The following B3GAT2 variants were observed in gnomAD, a reference collection of about 807,000 sequenced individuals.
The protein encoded by B3GAT2 is galactosylgalactosylxylosylprotein 3-beta-glucuronosyltransferase 2.
In B3GAT2, 26 loss-of-function variants were observed where a neutral mutation model predicts 27.8. The observed-to-expected ratio is 0.93, with a 90% CI of 0.68 to 1.30. B3GAT2 has a LOEUF of 1.30. Ranked by LOEUF, B3GAT2 falls within the 50% of genes most tolerant of loss-of-function variation. The pLI is 0.00. For synonymous variants in B3GAT2, 218 were observed against 195.1 expected, an observed-to-expected ratio of 1.12 and a Z score of -0.98; for missense variants, 458 against 459.0, an observed-to-expected ratio of 1.00 and a Z score of 0.02.
At position 70,858,123 on chromosome 6, in the gene B3GAT2, C is replaced by G. The variant is rs1771514792; in HGVS notation, c.*3540G>C. 6.2e-7 allele frequency: 1 copy of G among 1,614,020 alleles called. No individual in the cohort carries two copies. The highest frequency in any genetic ancestry group is 1.7e-5 in the Admixed American group (1 of 60,006). ...GCACAAACTGGTGTGATGCCACTTC[C>G]TCAGAACGTTGTTGGCCCCCAAGGA... On this transcript the variant is annotated 3_prime_UTR_variant, in exon 4 of 4. Transcript: ENST00000230053.
chr6:70,927,861 A>C (rs1772989786), intron 1 of B3GAT2, among the ~76,000 whole-genome samples: 1 of 152,166 alleles, frequency 6.6e-6, no homozygotes, highest in Admixed American at 6.6e-5. Context: ...AGAACTCTCC[A>C]CCCAAAATTA....
At chr6:70,875,042 C>A (rs1465111321) in intron 2 of B3GAT2, among the ~76,000 whole-genome samples, 1 of 151,026 alleles carries the variant, frequency 6.6e-6, no homozygotes, top group South Asian at 2.1e-4. Context: ...TTCTTGCATA[C>A]TTTTAGCTAA....
At chr6:70,925,503 G>A (rs766681411) in intron 1 of B3GAT2, among the ~76,000 whole-genome samples, 9 of 152,194 alleles carry the variant, frequency 5.9e-5, no homozygotes, top group Non-Finnish European at 8.8e-5. Context: ...ATTATAACCC[G>A]TGCCTGGCTC....
chr6:70,871,050 T>C (rs77501141), intron 2 of B3GAT2, among the ~76,000 whole-genome samples: 3,539 of 152,184 alleles, frequency 0.023, 74 homozygotes, highest in South Asian at 0.11. Context: ...GTGTGTTACA[T>C]TGATTTACTT....
At chr6:70,900,926 T>G (rs531419694) in intron 1 of B3GAT2, among the ~76,000 whole-genome samples, 1 of 152,354 alleles carries the variant, frequency 6.6e-6, no homozygotes, top group East Asian at 1.9e-4. Flanking sequence ...TGTATCCTGT[T>G]TTTTTAAACT....
intron 2 of B3GAT2, among the ~76,000 whole-genome samples, chr6:70,888,540 C>G (rs142136514): frequency 6.6e-6 from 1 of 152,274 alleles, no homozygotes; most frequent in African/African-American, 2.4e-5. Context: ...CCTCCCAGCC[C>G]GCTACGGGCT....
chr6:70,856,950 A>T lies in B3GAT2; in HGVS notation c.*4713T>A, dbSNP rs1158370309. On this transcript the variant is annotated 3_prime_UTR_variant, in exon 4 of 4. Coordinates refer to ENST00000230053, the MANE Select transcript of B3GAT2 (RefSeq NM_080742.3). ...ACTGAGCAAACTACAAAATCAGAAG[A>T]AGTGGCAAAGAAACAACTTTCCAAA... The T allele has an allele frequency of 1.2e-6, 2 of 1,613,904 alleles. No individual in the cohort carries two copies. Among genetic ancestry groups the T allele is most frequent in the African/African-American group, 2.7e-5 (2 of 74,934 alleles).
At chr6:70,878,595 C>A (rs911210272) in intron 2 of B3GAT2, among the ~76,000 whole-genome samples, 5 of 150,666 alleles carry the variant, frequency 3.3e-5, no homozygotes, top group African/African-American at 1.2e-4. Flanking sequence ...TTATTTAGAG[C>A]AATTTAATTT....
chr6:70,865,271 C>T (rs1771830982), intron 2 of B3GAT2, among the ~76,000 whole-genome samples: 1 of 152,028 alleles, frequency 6.6e-6, no homozygotes, highest in Admixed American at 6.6e-5. Context: ...GGACTACAGA[C>T]GTGGGCCTGG....
intron 1 of B3GAT2, among the ~76,000 whole-genome samples, chr6:70,919,994 T>C (rs1186518690): frequency 6.6e-6 from 1 of 152,214 alleles, no homozygotes; most frequent in Non-Finnish European, 1.5e-5. Flanking sequence ...TTTTCAGATA[T>C]GCCCTGCCCC....
intron 1 of B3GAT2, among the ~76,000 whole-genome samples, chr6:70,912,685 T>C (rs1207695431): frequency 6.8e-6 from 1 of 146,014 alleles, no homozygotes; most frequent in Non-Finnish European, 1.5e-5. Flanking sequence ...GCTGGCCTTA[T>C]AGAATGAGTT....
Position 70,956,542 on chromosome 6 carries a change from T to C in B3GAT2, c.-113A>G. The C allele has an allele frequency of 6.6e-7, 1 of 1,508,610 alleles. No individual in the cohort carries two copies. The highest frequency in any genetic ancestry group is 8.8e-7 in the Non-Finnish European group (1 of 1,130,928). 93.5% of individuals were successfully genotyped at this position (1,508,610 alleles called of 1,614,324 possible). On this transcript the variant is annotated 5_prime_UTR_variant, in exon 1 of 4. Transcript: ENST00000230053. ...ACTTAGGGAGTGGTGATGGGTGCGC[T>C]GTCCATGGGGCCGAGGGCGCTGCAG...
At chr6:70,926,080 T>G (rs963724049) in intron 1 of B3GAT2, among the ~76,000 whole-genome samples, 5 of 152,104 alleles carry the variant, frequency 3.3e-5, no homozygotes, top group African/African-American at 1.2e-4. Context: ...CAGCTGAGGG[T>G]CCTGAATGTT....
At chr6:70,894,102 C>T (rs1384410912) in intron 2 of B3GAT2, 26 bp downstream of exon 2, 1 of 1,585,168 alleles carries the variant, frequency 6.3e-7, no homozygotes, top group Admixed American at 1.8e-5. Flanking sequence ...CCAGCAGGAA[C>T]AAATGTCATC....
chr6:70,937,534 C>T (rs1477682354), intron 1 of B3GAT2, among the ~76,000 whole-genome samples: 6 of 152,140 alleles, frequency 3.9e-5, no homozygotes, highest in Admixed American at 3.9e-4. Flanking sequence ...TCCAGCAGCA[C>T]ATCAAAAAGC....
intron 1 of B3GAT2, among the ~76,000 whole-genome samples, chr6:70,903,814 C>A (rs771097657): frequency 3.3e-5 from 5 of 151,672 alleles, no homozygotes; most frequent in Non-Finnish European, 7.4e-5. Flanking sequence ...ATGGTAACAA[C>A]TACTTGGGAA....
Position 70,956,742 on chromosome 6 carries a change from G to A in B3GAT2, c.-313C>T. Reference sequence around the variant, plus strand: ...CGCCGGTCCCGGAGTTGTGCCGAGTGCGGGAAAGGCGCTGATCCCCACCGC... The same window carrying A: ...CGCCGGTCCCGGAGTTGTGCCGAGTACGGGAAAGGCGCTGATCCCCACCGC... On this transcript the variant is annotated 5_prime_UTR_variant, in exon 1 of 4. Coordinates refer to ENST00000230053, the MANE Select transcript of B3GAT2 (RefSeq NM_080742.3). 1.6e-6 allele frequency: 2 copies of A among 1,276,872 alleles called. No homozygotes were observed. Among genetic ancestry groups the A allele is most frequent in the Non-Finnish European group, 2.0e-6 (2 of 1,008,974 alleles). 79.1% of individuals were successfully genotyped at this position (1,276,872 alleles called of 1,614,324 possible).
chr6:70,946,099 T>C (rs1257598684), intron 1 of B3GAT2, among the ~76,000 whole-genome samples: 1 of 151,992 alleles, frequency 6.6e-6, no homozygotes, highest in African/African-American at 2.4e-5. Context: ...GCACAACCGG[T>C]ACCAGCCACT....
chr6:70,865,144 T>C (rs1771829042), intron 2 of B3GAT2, among the ~76,000 whole-genome samples: 1 of 152,206 alleles, frequency 6.6e-6, no homozygotes, highest in Admixed American at 6.5e-5. Context: ...TTTTTGTTTT[T>C]GGACAGAGTT....
Sources: allele counts gnomAD v4.1 joint callset (sites outside exome capture counted in the v4.1 genomes callset), GRCh38; gene constraint gnomAD v4.1.1; transcripts MANE v1.5; gene names NCBI Gene and HGNC (gene_info 2026-07-23, HGNC 2026-07-21).